The following COG5 variants were observed in gnomAD, a reference collection of about 807,000 sequenced individuals.
COG5 encodes the protein conserved oligomeric Golgi complex subunit 5.
In COG5, 86 loss-of-function variants were observed where a neutral mutation model predicts 110.4. The ratio of observed to expected loss-of-function variants is 0.78; its 90% CI spans 0.65 to 0.93. The LOEUF is 0.93. Among genes scored for constraint, COG5 ranks in the 40% least tolerant of loss-of-function variants. The probability of loss-of-function intolerance (pLI) is 0.00; values close to 1 mark genes in which losing one functional copy is unlikely to be tolerated. For synonymous variants in COG5, 360 were observed against 334.6 expected, an observed-to-expected ratio of 1.08 and a Z score of -0.83; for missense variants, 1,077 against 987.0, an observed-to-expected ratio of 1.09 and a Z score of -1.22.
At chr7:107,555,080 G>C (rs1324859911) in intron 2 of COG5, among the ~76,000 whole-genome samples, 1 of 152,098 alleles carries the variant, frequency 6.6e-6, no homozygotes, top group Non-Finnish European at 1.5e-5. Context: ...TCCTACTCTG[G>C]AAAGATACAG....
intron 6 of COG5, among the ~76,000 whole-genome samples, chr7:107,525,376 G>A (rs1026516672): frequency 6.6e-6 from 1 of 151,746 alleles, no homozygotes; most frequent in East Asian, 1.9e-4. Flanking sequence ...TCCATAATAA[G>A]CCTTGGAATA....
intron 14 of COG5, among the ~76,000 whole-genome samples, chr7:107,276,175 C>T (rs1804690915): frequency 6.6e-6 from 1 of 152,092 alleles, no homozygotes; most frequent in Non-Finnish European, 1.5e-5. Flanking sequence ...GATGCCATTC[C>T]CTGGAACCAT....
intron 6 of COG5, among the ~76,000 whole-genome samples, chr7:107,488,587 G>A (rs1444083140): frequency 6.6e-6 from 1 of 152,160 alleles, no homozygotes; most frequent in African/African-American, 2.4e-5. Flanking sequence ...GCTCACGCCT[G>A]TAATCCCAGC....
intron 11 of COG5, among the ~76,000 whole-genome samples, chr7:107,318,800 C>T (rs538842795): frequency 4.6e-5 from 7 of 152,308 alleles, no homozygotes; most frequent in East Asian, 1.9e-4. Context: ...CTTCCATAAA[C>T]GCCCTATCTC....
At chr7:107,450,498 G>GA (rs1479228557) in intron 6 of COG5, 1 of 152,264 alleles carries the variant, frequency 6.6e-6, no homozygotes, top group Non-Finnish European at 1.5e-5. Flanking sequence ...GTGCTATTAA[G>GA]AAAATCATTG....
chr7:107,423,918 A>C (rs917940997), intron 6 of COG5, among the ~76,000 whole-genome samples: 1 of 152,246 alleles, frequency 6.6e-6, no homozygotes, highest in Middle Eastern at 3.4e-3. Flanking sequence ...AAAAGAATGC[A>C]GGAAAACAAT....
chr7:107,431,599 T>G (rs1003050224), intron 6 of COG5, among the ~76,000 whole-genome samples: 1 of 152,194 alleles, frequency 6.6e-6, no homozygotes, highest in Non-Finnish European at 1.5e-5. Context: ...CTATTAGATT[T>G]TATTATTTAC....
chr7:107,403,386 CTT>C lies in COG5; in HGVS notation c.669+9114_669+9115del, dbSNP rs879845783. Among the ~76,000 whole-genome samples, 15 of 144,320 alleles carry C rather than the reference CTT, an allele frequency of 1.0e-4. No individual in the cohort carries two copies. The South Asian group carries it at 2.2e-3, about 21-fold the overall frequency. The allele number at this position is 144,320 out of a possible 152,430, so 94.7% of individuals were successfully genotyped here. On this transcript the variant is annotated intron_variant, in intron 7 of 21. Coordinates refer to ENST00000297135, the MANE Select transcript of COG5 (RefSeq NM_006348.5). ...TGTTCCTAGTTCACAGAAAGACACC[CTT>C]TTTTTTTTTTTAAATTATACTTTAA...
At chr7:107,314,813 T>G (rs1466255610) in intron 11 of COG5, among the ~76,000 whole-genome samples, 1 of 152,166 alleles carries the variant, frequency 6.6e-6, no homozygotes, top group Non-Finnish European at 1.5e-5. Context: ...GAAAATGACA[T>G]GATCAAATTT....
intron 6 of COG5, among the ~76,000 whole-genome samples, chr7:107,486,049 C>A (rs1447543609): frequency 1.3e-5 from 2 of 151,984 alleles, no homozygotes; most frequent in Non-Finnish European, 2.9e-5. Flanking sequence ...CACTTTGACA[C>A]TAGTATACTC....
intron 3 of COG5, among the ~76,000 whole-genome samples, chr7:107,550,350 T>C (rs1802800089): frequency 6.6e-6 from 1 of 152,220 alleles, no homozygotes; most frequent in Non-Finnish European, 1.5e-5. Context: ...TACAGAGCTA[T>C]CAGAGTAAAC....
chr7:107,555,602 T>C (rs1340363683), intron 2 of COG5, among the ~76,000 whole-genome samples: 2 of 152,218 alleles, frequency 1.3e-5, no homozygotes, highest in African/African-American at 4.8e-5. Context: ...AAAAATTATC[T>C]ATTCTCCTTT....
At chr7:107,432,527 C>G (rs924795545) in intron 6 of COG5, among the ~76,000 whole-genome samples, 1 of 152,018 alleles carries the variant, frequency 6.6e-6, no homozygotes, top group Non-Finnish European at 1.5e-5. Flanking sequence ...AGGAAAATAC[C>G]ATAATGCTTA....
intron 6 of COG5, among the ~76,000 whole-genome samples, chr7:107,499,112 G>T (rs952087784): frequency 6.6e-6 from 1 of 152,104 alleles, no homozygotes; most frequent in African/African-American, 2.4e-5. Context: ...GCATGGAAGC[G>T]AATAATGGAA....
chr7:107,416,734 A>G (rs1792876169), intron 6 of COG5, among the ~76,000 whole-genome samples: 1 of 152,210 alleles, frequency 6.6e-6, no homozygotes, highest in South Asian at 2.1e-4. Context: ...GACATGGATA[A>G]TAAGACAAAT....
At chr7:107,249,910 G>T (rs1050530301) in intron 16 of COG5, among the ~76,000 whole-genome samples, 2 of 152,018 alleles carry the variant, frequency 1.3e-5, no homozygotes, top group Non-Finnish European at 2.9e-5. Context: ...ATAGGAGTTT[G>T]GGAAAGCTGA....
At chr7:107,355,231 T>G (rs1176004932) in intron 10 of COG5, among the ~76,000 whole-genome samples, 1 of 152,136 alleles carries the variant, frequency 6.6e-6, no homozygotes, top group Non-Finnish European at 1.5e-5. Context: ...ACACACCTAT[T>G]AGAATAGCCG....
At chr7:107,563,681 G>C in intron 1 of COG5, 122 bp downstream of exon 1, 2 of 1,086,340 alleles carry the variant, frequency 1.8e-6, no homozygotes, top group Non-Finnish European at 1.4e-6. Context: ...GGGCGGAGGG[G>C]AGTGGTCACG....
At chr7:107,287,727 G>A (rs1029146568) in intron 12 of COG5, among the ~76,000 whole-genome samples, 7 of 152,188 alleles carry the variant, frequency 4.6e-5, no homozygotes, top group African/African-American at 1.7e-4. Flanking sequence ...ATATGAATGG[G>A]ATAATATACT....
Sources: gnomAD v4.1 joint callset for allele counts (sites outside exome capture counted in the v4.1 genomes callset) on GRCh38, gnomAD v4.1.1 for gene constraint, MANE v1.5 for transcripts, NCBI Gene and HGNC (gene_info 2026-07-23, HGNC 2026-07-21) for gene names.